MEGF11: variants seen among roughly 807,000 people sequenced by gnomAD.
The protein encoded by MEGF11 is multiple epidermal growth factor-like domains protein 11.
MEGF11 carries 126 observed loss-of-function variants against 146.6 expected under a neutral mutation model. That is an observed-to-expected ratio of 0.86 (90% CI 0.74 to 1.00). The LOEUF (loss-of-function observed/expected upper bound fraction) is 1.00, where lower values mean the gene tolerates loss of function less well. Among genes scored for constraint, MEGF11 ranks in the 50% least tolerant of loss-of-function variants. MEGF11 has a pLI of 0.00. For synonymous variants in MEGF11, 532 were observed against 583.4 expected (o/e 0.91, Z 1.27); for missense variants, 1,509 against 1,521.2 (o/e 0.99, Z 0.13).
chr15:66,202,896 C>T (rs1183312544), intron 1 of MEGF11, among the ~76,000 whole-genome samples: 3 of 152,216 alleles, frequency 2.0e-5, no homozygotes, highest in African/African-American at 7.2e-5. Context: ...CCACTTATTT[C>T]AGCCGTGCTG....
intron 1 of MEGF11, among the ~76,000 whole-genome samples, chr15:66,179,690 G>A (rs899081): frequency 0.012 from 1,754 of 151,856 alleles, 31 homozygotes; most frequent in African/African-American, 0.04. Flanking sequence ...GTACTCAACC[G>A]GGTTTCAGGT....
intron 1 of MEGF11, among the ~76,000 whole-genome samples, chr15:66,238,826 A>G (rs2092150872): frequency 8.0e-6 from 1 of 124,738 alleles, no homozygotes; most frequent in African/African-American, 3.2e-5. Flanking sequence ...CTGCCTCTTC[A>G]CCTGTCCTGC....
At chr15:65,955,791 T>TACACAC (rs1415493514) in intron 10 of MEGF11, among the ~76,000 whole-genome samples, 1 of 9,088 alleles carries the variant, frequency 1.1e-4, no homozygotes, top group Non-Finnish European at 3.5e-4. Context: ...TATATATATA[T>TACACAC]ATACACACAC....
intron 1 of MEGF11, among the ~76,000 whole-genome samples, chr15:66,189,244 G>A (rs1199881999): frequency 6.6e-6 from 1 of 152,188 alleles, no homozygotes; most frequent in Non-Finnish European, 1.5e-5. Context: ...CTGGCACTAG[G>A]GAGGGGAGGC....
intron 1 of MEGF11, among the ~76,000 whole-genome samples, chr15:66,130,326 C>T (rs1400833284): frequency 6.6e-6 from 1 of 152,188 alleles, no homozygotes; most frequent in Non-Finnish European, 1.5e-5. Context: ...GGCATGGAGT[C>T]TGAATGCCAG....
Position 65,982,396 on chromosome 15 carries a change from A to G in MEGF11, c.487T>C (p.Cys163Arg). The G allele has an allele frequency of 6.5e-7, 1 of 1,532,874 alleles. No homozygotes were observed. Among genetic ancestry groups the G allele is most frequent in the Non-Finnish European group, 8.8e-7 (1 of 1,141,942 alleles). 95.0% of individuals were successfully genotyped at this position (1,532,874 alleles called of 1,614,324 possible). A position where few individuals can be genotyped will look rare whatever the true frequency, so the allele number is the denominator to read the frequency against. The change falls in exon 6 of 26, where the codon TGC (cysteine) becomes CGC (arginine). Residue 163 changes from cysteine to arginine, a missense_variant. Cys to Arg is a radical substitution (Grantham distance 180). Transcript: ENST00000395614. The surrounding 1 kb of genome is among the most constrained non-coding windows in gnomAD (Gnocchi z 5.6). Reference protein sequence around the residue: ...LCNPITGACVCAAGFRGWRCE... With the variant: ...LCNPITGACVRAAGFRGWRCE... ...CGCCATCCACGGAAGCCGGCGGCGCACACGCAGGCGCCTGTGATGGGGTTA... is the reference window on the plus strand; with the variant it reads ...CGCCATCCACGGAAGCCGGCGGCGCGCACGCAGGCGCCTGTGATGGGGTTA...
chr15:66,064,836 A>T (rs1261286681), intron 5 of MEGF11, among the ~76,000 whole-genome samples: 1 of 152,008 alleles, frequency 6.6e-6, no homozygotes, highest in Non-Finnish European at 1.5e-5. Flanking sequence ...GCCTTGTGAG[A>T]TGATTTTTAT....
intron 24 of MEGF11, chr15:65,902,262 AATTGTTG>A (rs2078513934): frequency 6.6e-6 from 1 of 152,272 alleles, no homozygotes; most frequent in Non-Finnish European, 1.5e-5. Context: ...TTGGGGAATC[AATTGTTG>A]GCTCTGGAGC....
rs928193354 is a variant in MEGF11 at position 65,984,859 on chromosome 15, C to G, written c.395-2371G>C. 1.2e-4 allele frequency among the ~76,000 whole-genome samples: 18 copies of G among 149,232 alleles called. No homozygotes were observed. In the East Asian group the frequency reaches 3.6e-3, roughly 30 times the overall value. ...TCTCGGCTCACTGCAACCTCTGTCT[C>G]CCGGGTTCAAGCAATTCTCCTGCCT... On this transcript the variant is annotated intron_variant, in intron 5 of 25. Coordinates refer to ENST00000395614, the MANE Select transcript of MEGF11 (RefSeq NM_001385028.1).
chr15:66,198,856 C>T (rs747766577), intron 1 of MEGF11, among the ~76,000 whole-genome samples: 4 of 152,134 alleles, frequency 2.6e-5, no homozygotes, highest in Non-Finnish European at 4.4e-5. Flanking sequence ...TCAAGCCATC[C>T]GCCTGCCATG....
intron 1 of MEGF11, 93 bp from the exon 2 acceptor site, chr15:66,128,504 A>G (rs184710657): frequency 1.6e-6 from 1 of 615,650 alleles, no homozygotes. Flanking sequence ...TGAGCATTTG[A>G]TATTTCACAT....
intron 1 of MEGF11, among the ~76,000 whole-genome samples, chr15:66,201,391 T>C (rs1222177305): frequency 6.6e-6 from 1 of 151,716 alleles, no homozygotes; most frequent in East Asian, 1.9e-4. Context: ...TCTCAGAAGA[T>C]TGTTGGGGTA....
chr15:66,073,898 AGCTTGGGT>A (rs2085472232), intron 5 of MEGF11, among the ~76,000 whole-genome samples: 1 of 152,198 alleles, frequency 6.6e-6, no homozygotes, highest in Non-Finnish European at 1.5e-5. Context: ...CCCCCACATG[AGCTTGGGT>A]GCTGGACAGG....
intron 5 of MEGF11, among the ~76,000 whole-genome samples, chr15:66,056,645 C>A (rs17240756): frequency 0.08 from 12,238 of 152,184 alleles, 690 homozygotes; most frequent in Middle Eastern, 0.14. Context: ...CTATAAGCAC[C>A]AATAACATAG....
chr15:66,085,878 G>C (rs1030316313), intron 5 of MEGF11, among the ~76,000 whole-genome samples: 3 of 152,164 alleles, frequency 2.0e-5, no homozygotes, highest in Non-Finnish European at 4.4e-5. Context: ...ATCAGGGAGG[G>C]ACCAGAGAAA....
intron 19 of MEGF11, among the ~76,000 whole-genome samples, chr15:65,914,454 G>T (rs2078924739): frequency 6.6e-6 from 1 of 152,126 alleles, no homozygotes; most frequent in African/African-American, 2.4e-5. Flanking sequence ...GTAACATGGG[G>T]ACAATAACCC....
chr15:66,021,473 T>TAA (rs1441367763), intron 5 of MEGF11, among the ~76,000 whole-genome samples: 1 of 152,112 alleles, frequency 6.6e-6, no homozygotes, highest in Non-Finnish European at 1.5e-5. Flanking sequence ...ATAAACAAAA[T>TAA]AAAACAAACC....
chr15:66,102,146 G>C (rs1044561294), intron 4 of MEGF11, among the ~76,000 whole-genome samples: 1 of 79,924 alleles, frequency 1.3e-5, no homozygotes, highest in Non-Finnish European at 2.8e-5. Context: ...TCGATGCTTC[G>C]GGCCCCAGAT....
chr15:66,248,007 A>G lies in MEGF11; in HGVS notation c.-9+5598T>C, dbSNP rs543425513. ...CCAAAAAAAAAAAAAAAATTGTTCTAGGTCAATTACAATGACTTCCTTCTC... is the reference window on the plus strand; with the variant it reads ...CCAAAAAAAAAAAAAAAATTGTTCTGGGTCAATTACAATGACTTCCTTCTC... On this transcript the variant is annotated intron_variant, in intron 1 of 25. Coordinates refer to ENST00000395614, the MANE Select transcript of MEGF11 (RefSeq NM_001385028.1). 2.0e-5 allele frequency among the ~76,000 whole-genome samples: 3 copies of G among 151,740 alleles called. No homozygotes were observed. The South Asian group carries it at 6.2e-4, about 32-fold the overall frequency.
Sources: allele counts gnomAD v4.1 joint callset (sites outside exome capture counted in the v4.1 genomes callset), GRCh38; gene constraint gnomAD v4.1.1; non-coding constraint Gnocchi (gnomAD v3.1); transcripts MANE v1.5; gene names NCBI Gene and HGNC (gene_info 2026-07-23, HGNC 2026-07-21).